Variants in NPAS3 observed in about 807,000 individuals in gnomAD.
NPAS3 encodes neuronal PAS domain protein 3.
Under a neutral mutation model 73.1 loss-of-function variants are expected in NPAS3, and 14 were observed. The observed-to-expected ratio is 0.19, with a 90% CI of 0.13 to 0.30. The LOEUF is 0.30. Ranked by LOEUF, NPAS3 falls within the 10% of genes least tolerant of loss-of-function variation. The pLI, the probability that NPAS3 is intolerant of heterozygous loss-of-function variation, is 1.00. For missense variants in NPAS3, 1,096 were observed against 1,250.0 expected, an observed-to-expected ratio of 0.88 and a Z score of 1.86; for synonymous variants, 620 against 541.5, an observed-to-expected ratio of 1.14 and a Z score of -2.01.
At chr14:33,363,176 C>G (rs2045685084) in intron 3 of NPAS3, among the ~76,000 whole-genome samples, 1 of 152,218 alleles carries the variant, frequency 6.6e-6, no homozygotes, top group Non-Finnish European at 1.5e-5. Flanking sequence ...CCTCAGCCCT[C>G]CTCACGTGAG....
chr14:33,054,873 A>G (rs185752394), intron 1 of NPAS3, among the ~76,000 whole-genome samples: 71 of 152,208 alleles, frequency 4.7e-4, no homozygotes, highest in African/African-American at 1.7e-3. Flanking sequence ...CGGCCTCCCA[A>G]AGTGCTGTGA....
intron 7 of NPAS3, among the ~76,000 whole-genome samples, chr14:33,742,432 G>A: frequency 6.6e-6 from 1 of 152,178 alleles, no homozygotes; most frequent in South Asian, 2.1e-4. Context: ...GCAGATAAAA[G>A]TTAGGTTTAT....
intron 2 of NPAS3, among the ~76,000 whole-genome samples, chr14:33,167,794 C>T (rs1235334423): frequency 6.6e-6 from 1 of 152,150 alleles, no homozygotes; most frequent in Non-Finnish European, 1.5e-5. Context: ...ACCCAACTTC[C>T]AGACATGGTT....
intron 2 of NPAS3, among the ~76,000 whole-genome samples, chr14:33,112,614 G>A (rs1004489657): frequency 1.3e-3 from 198 of 152,208 alleles, no homozygotes; most frequent in Non-Finnish European, 1.6e-3. Context: ...CATTCTGTAG[G>A]TTTCCTGTTC....
chr14:33,106,287 T>A (rs1402460861), intron 2 of NPAS3, among the ~76,000 whole-genome samples: 20 of 152,170 alleles, frequency 1.3e-4, no homozygotes, highest in Non-Finnish European at 1.5e-5. Context: ...TTACCTCTAG[T>A]TTATGGATTA....
chr14:33,186,218 A>C (rs1434032651), intron 2 of NPAS3, among the ~76,000 whole-genome samples: 1 of 152,172 alleles, frequency 6.6e-6, no homozygotes, highest in Non-Finnish European at 1.5e-5. Flanking sequence ...CATTTTGTTT[A>C]ACTCTATCTC....
At chr14:33,292,418 T>C (rs1428901994) in intron 3 of NPAS3, among the ~76,000 whole-genome samples, 1 of 152,192 alleles carries the variant, frequency 6.6e-6, no homozygotes, top group Non-Finnish European at 1.5e-5. Flanking sequence ...TTGGCAGGTC[T>C]TCCTTGTGGC....
At chr14:33,197,789 C>T (rs2046428628) in intron 2 of NPAS3, among the ~76,000 whole-genome samples, 1 of 152,222 alleles carries the variant, frequency 6.6e-6, no homozygotes, top group Non-Finnish European at 1.5e-5. Flanking sequence ...AATCCTTTCT[C>T]TGTAATCTCT....
intron 4 of NPAS3, among the ~76,000 whole-genome samples, chr14:33,465,647 T>C (rs145528540): frequency 2.6e-5 from 4 of 152,316 alleles, no homozygotes; most frequent in South Asian, 4.1e-4. Context: ...CAAAGGCATA[T>C]AGTTTACAAA....
chr14:33,089,664 C>T (rs550316500), intron 2 of NPAS3, among the ~76,000 whole-genome samples: 11 of 152,184 alleles, frequency 7.2e-5, no homozygotes, highest in Middle Eastern at 6.8e-3. Flanking sequence ...AAAGATACTC[C>T]TCGAGAAGAG....
chr14:33,150,260 C>G (rs1003516576), intron 2 of NPAS3, among the ~76,000 whole-genome samples: 4 of 152,102 alleles, frequency 2.6e-5, no homozygotes, highest in African/African-American at 9.7e-5. Flanking sequence ...AAAAGAATTA[C>G]TGAATTAAGT....
intron 6 of NPAS3, among the ~76,000 whole-genome samples, chr14:33,689,818 C>G (rs2060185328): frequency 6.6e-6 from 1 of 152,112 alleles, no homozygotes; most frequent in South Asian, 2.1e-4. Flanking sequence ...GAGGTCCATC[C>G]CACTGCTCCT....
At chr14:33,186,776 G>C (rs998378935) in intron 2 of NPAS3, among the ~76,000 whole-genome samples, 4 of 152,248 alleles carry the variant, frequency 2.6e-5, no homozygotes, top group Non-Finnish European at 5.9e-5. Context: ...TCTGTCTCCT[G>C]TTCTGCAACT....
At chr14:33,053,611 A>G (rs1263733538) in intron 1 of NPAS3, among the ~76,000 whole-genome samples, 1 of 152,252 alleles carries the variant, frequency 6.6e-6, no homozygotes, top group African/African-American at 2.4e-5. Flanking sequence ...TGATGATAAC[A>G]TATTGTAGCA....
chr14:33,659,922 G>A (rs1049442038), intron 5 of NPAS3, among the ~76,000 whole-genome samples: 14 of 152,068 alleles, frequency 9.2e-5, no homozygotes, highest in Admixed American at 3.3e-4. Context: ...AATGGACTTC[G>A]CTAAATGAAA....
At chr14:33,363,922 C>CTGTGTGTGCGTG (rs1555381727) in intron 3 of NPAS3, among the ~76,000 whole-genome samples, 7 of 148,772 alleles carry the variant, frequency 4.7e-5, no homozygotes, top group Non-Finnish European at 7.4e-5. Context: ...GCAATGCCCT[C>CTGTGTGTGCGTG]TGTGTGTGTG....
intron 4 of NPAS3, among the ~76,000 whole-genome samples, chr14:33,509,122 G>A (rs1436412126): frequency 2.0e-5 from 3 of 151,722 alleles, no homozygotes; most frequent in Non-Finnish European, 4.4e-5. Flanking sequence ...GTCTTAAGGG[G>A]GTGGTATTAT....
At chr14:33,236,094 C>G (rs1046228840) in intron 3 of NPAS3, among the ~76,000 whole-genome samples, 2 of 151,844 alleles carry the variant, frequency 1.3e-5, no homozygotes, top group Non-Finnish European at 2.9e-5. Flanking sequence ...CCCCAGGGTT[C>G]AAAGTGAGAA....
At chr14:33,762,659 C>T (rs1456157400) in intron 7 of NPAS3, among the ~76,000 whole-genome samples, 1 of 152,106 alleles carries the variant, frequency 6.6e-6, no homozygotes, top group African/African-American at 2.4e-5. Context: ...ACTGCTGTCG[C>T]TGCTGACACC....
Sources: gnomAD v4.1 joint callset for allele counts (sites outside exome capture counted in the v4.1 genomes callset) on GRCh38, gnomAD v4.1.1 for gene constraint, MANE v1.5 for transcripts, NCBI Gene and HGNC (gene_info 2026-07-23, HGNC 2026-07-21) for gene names.